Variants in KAT14 observed in about 807,000 individuals in gnomAD.
KAT14 encodes cysteine-rich protein 2-binding protein.
Under a neutral mutation model 78.4 loss-of-function variants are expected in KAT14, and 66 were observed. The ratio of observed to expected loss-of-function variants is 0.84; its 90% CI spans 0.69 to 1.03. KAT14 has a LOEUF of 1.03. Among genes scored for constraint, KAT14 ranks in the 50% least tolerant of loss-of-function variants. The pLI is 0.00. For missense variants in KAT14, 870 were observed against 972.5 expected (o/e 0.89, Z 1.40); for synonymous variants, 344 against 359.4 (o/e 0.96, Z 0.48).
chr20:18,142,502 T>G lies in KAT14; in HGVS notation c.-159T>G. Reference sequence around the variant, plus strand: ...ATAAAGGACAGTGGGTCATATAAGTTACTGCTTTCAGGGTCCCTTATATCT... The same window carrying G: ...ATAAAGGACAGTGGGTCATATAAGTGACTGCTTTCAGGGTCCCTTATATCT... On this transcript the variant is annotated 5_prime_UTR_variant, in exon 2 of 11. Transcript: ENST00000688188. The G allele has an allele frequency of 6.9e-7, 1 of 1,457,292 alleles. No homozygotes were observed. The highest frequency in any genetic ancestry group is 9.0e-7 in the Non-Finnish European group (1 of 1,108,376). The allele number at this position is 1,457,292 out of a possible 1,614,324, so 90.3% of individuals were successfully genotyped here.
Position 18,181,799 on chromosome 20 carries a change from G to C in KAT14, c.1758G>C (p.Gln586His). The change falls in exon 8 of 11, where the codon CAG becomes CAC. Residue 586 changes from glutamine to histidine, a missense_variant. Coordinates refer to ENST00000688188, the MANE Select transcript of KAT14 (RefSeq NM_001392073.1). ...LVGSEDMAVDQSIVSPYTSRI... is the reference protein window; with the variant it reads ...LVGSEDMAVDHSIVSPYTSRI... The stretch of plus-strand genomic sequence containing the variant: ...GATCAGAAGATATGGCTGTGGACCA[G>C]AGTATTGTCAGCCCTTATACCTCTC... 1 of 1,614,106 alleles carries C rather than the reference G, an allele frequency of 6.2e-7. No homozygotes were observed.
In KAT14 at chr20:18,142,931, C is replaced by G. The variant is rs112718518; in HGVS notation, c.259+12C>G. On this transcript the variant is annotated intron_variant, in intron 2 of 10. Coordinates refer to ENST00000688188, the MANE Select transcript of KAT14 (RefSeq NM_001392073.1). ...ATGGATACCAGCCAGTAAGGAGCTTCTCAATTCCTTTGATTTGTCAATTCC... is the reference window on the plus strand; with the variant it reads ...ATGGATACCAGCCAGTAAGGAGCTTGTCAATTCCTTTGATTTGTCAATTCC... 3,796 of 1,610,396 alleles carry G rather than the reference C, an allele frequency of 2.4e-3. 10 individuals carry two copies. Among genetic ancestry groups the G allele is most frequent in the Non-Finnish European group, 2.6e-3 (3,082 of 1,176,784 alleles).
intron 1 of KAT14, among the ~76,000 whole-genome samples, chr20:18,139,660 GTGTGTGTGTGTGTGTT>G (rs57822788): frequency 0.18 from 24,199 of 133,818 alleles, 2,391 homozygotes; most frequent in East Asian, 0.47. Flanking sequence ...GTGTGTGTGT[GTGTGTGTGTGTGTGTT>G]TATTTTTTTT....
chr20:18,141,790 C>T (rs992409193), intron 1 of KAT14, among the ~76,000 whole-genome samples: 1 of 152,036 alleles, frequency 6.6e-6, no homozygotes, highest in Non-Finnish European at 1.5e-5. Flanking sequence ...AGGCTGAGGC[C>T]GGAGAATCAC....
At chr20:18,184,194 T>G (rs2039368728) in intron 9 of KAT14, among the ~76,000 whole-genome samples, 1 of 152,186 alleles carries the variant, frequency 6.6e-6, no homozygotes, top group Non-Finnish European at 1.5e-5. Flanking sequence ...AAGGATGTGA[T>G]AGAACACGCT....
intron 5 of KAT14, 84 bp from the exon 6 acceptor site, chr20:18,161,739 G>A (rs1013643478): frequency 1.8e-5 from 27 of 1,513,654 alleles, no homozygotes; most frequent in East Asian, 1.1e-4. Context: ...TCCAAAAGCC[G>A]AAAACATCTG....
intron 4 of KAT14, among the ~76,000 whole-genome samples, chr20:18,155,122 T>C (rs1353775431): frequency 6.6e-6 from 1 of 152,152 alleles, no homozygotes; most frequent in Non-Finnish European, 1.5e-5. Context: ...TGACCTCAGG[T>C]GATCCACCCG....
intron 1 of KAT14, 36 bp from the exon 2 acceptor site, chr20:18,142,172 C>T (rs888716284): frequency 9.2e-6 from 14 of 1,527,710 alleles, no homozygotes; most frequent in African/African-American, 1.4e-5. Flanking sequence ...ACCACCTGTT[C>T]GGGATGTTAC....
chr20:18,158,205 G>C (rs1202153185), intron 4 of KAT14, among the ~76,000 whole-genome samples: 1 of 152,202 alleles, frequency 6.6e-6, no homozygotes, highest in African/African-American at 2.4e-5. Flanking sequence ...CAAAGTGCTG[G>C]AATTACAGGC....
At chr20:18,146,025 C>G (rs1328977959) in intron 3 of KAT14, among the ~76,000 whole-genome samples, 1 of 152,142 alleles carries the variant, frequency 6.6e-6, no homozygotes, top group Non-Finnish European at 1.5e-5. Flanking sequence ...CCCAGCTTTT[C>G]TGCATTTGAA....
chr20:18,139,633 C>CGTGT (rs71194228), intron 1 of KAT14, among the ~76,000 whole-genome samples: 2,467 of 141,668 alleles, frequency 0.017, 23 homozygotes, highest in South Asian at 0.034. Flanking sequence ...ACCAAAATAA[C>CGTGT]GTGTGTGTGT....
intron 10 of KAT14, 126 bp downstream of exon 10, chr20:18,184,918 T>G (rs968097742): frequency 2.0e-6 from 2 of 1,019,258 alleles, no homozygotes; most frequent in Non-Finnish European, 1.3e-6. Flanking sequence ...GTAAACCAAG[T>G]GAAGAAAGCC....
rs1253113580 is a variant in KAT14 at position 18,142,729 on chromosome 20, C to T, written c.69C>T (p.Thr23=). 1 of 1,614,072 alleles carries T rather than the reference C, an allele frequency of 6.2e-7. No homozygotes were observed. The highest frequency in any genetic ancestry group is 2.2e-5 in the East Asian group (1 of 44,892). Residue 23 remains threonine (T), a synonymous_variant, in exon 2 of 11, where the codon ACC becomes ACT. Coordinates refer to ENST00000688188, the MANE Select transcript of KAT14 (RefSeq NM_001392073.1). ...ATGACGAAGCCACGAGAACATCGAC[C>T]TCAGAAGGACTGGAGGAAGGTGAAG... is the stretch of plus-strand genomic sequence containing the variant. ...RHDDEATRTS[T]SEGLEEGEVE... is the part of the protein sequence containing the mutation.
At chr20:18,151,271 A>C (rs189218421) in intron 4 of KAT14, among the ~76,000 whole-genome samples, 29 of 152,188 alleles carry the variant, frequency 1.9e-4, no homozygotes, top group Admixed American at 3.3e-4. Flanking sequence ...ATCTCGGCAC[A>C]CTGCAACCGC....
rs1174073080 is a variant in KAT14 at position 18,137,944 on chromosome 20, G to C, written c.-561G>C. 6.8e-7 allele frequency: 1 copy of C among 1,479,864 alleles called. No homozygotes were observed. The highest frequency in any genetic ancestry group is 1.5e-5 in the African/African-American group (1 of 68,042). The allele number at this position is 1,479,864 out of a possible 1,614,324, so 91.7% of individuals were successfully genotyped here. The stretch of plus-strand genomic sequence containing the variant: ...CGGGCGGGAGAGAGAGGCCGCGGCC[G>C]CCAGCGTGGGGATGTCTAGGAGCTC... On this transcript the variant is annotated 5_prime_UTR_variant, in exon 1 of 11. Coordinates refer to ENST00000688188, the MANE Select transcript of KAT14 (RefSeq NM_001392073.1).
rs781487898 is a variant in KAT14 at position 18,145,286 on chromosome 20, A to G, written c.313A>G (p.Thr105Ala). ...YLKGDNFFRF[T>A]CSDCSADGKE... ...TAAGGGTGATAATTTTTTTAGGTTT[A>G]CTTGTTCGGATTGCTCAGCAGATGG... The change falls in exon 3 of 11, where the codon ACT becomes GCT. Residue 105 changes from threonine to alanine, a missense_variant. By Grantham distance (58) the Thr-to-Ala change is moderately conservative. Coordinates refer to ENST00000688188, the MANE Select transcript of KAT14 (RefSeq NM_001392073.1). 1.9e-6 allele frequency: 3 copies of G among 1,614,142 alleles called. No individual in the cohort carries two copies. Among genetic ancestry groups the G allele is most frequent in the South Asian group, 1.1e-5 (1 of 91,090 alleles).
At chr20:18,145,125 A>G in intron 2 of KAT14, 108 bp from the exon 3 acceptor site, 1 of 1,446,426 alleles carries the variant, frequency 6.9e-7, no homozygotes, top group Non-Finnish European at 9.1e-7. Flanking sequence ...TTGGCTGAAG[A>G]AAAGAAGACA....
At chr20:18,143,585 G>C (rs2037675663) in intron 2 of KAT14, among the ~76,000 whole-genome samples, 1 of 146,074 alleles carries the variant, frequency 6.8e-6, no homozygotes, top group African/African-American at 2.5e-5. Context: ...AAGTAGCTGG[G>C]ATTATAGTGT....
chr20:18,159,781 G>C (rs1424849091), intron 5 of KAT14, among the ~76,000 whole-genome samples: 1 of 152,030 alleles, frequency 6.6e-6, no homozygotes, highest in African/African-American at 2.4e-5. Context: ...TTTCCTTTTT[G>C]CAGCCTGACC....
Sources: allele counts gnomAD v4.1 joint callset (sites outside exome capture counted in the v4.1 genomes callset), GRCh38; gene constraint gnomAD v4.1.1; transcripts MANE v1.5; gene names NCBI Gene and HGNC (gene_info 2026-07-23, HGNC 2026-07-21).